Variants in TSC22D3 observed in about 807,000 individuals in gnomAD.
TSC22D3 encodes the protein TSC22 domain family protein 3.
A neutral mutation model predicts 11.1 loss-of-function variants in TSC22D3; 4 were observed. That is an observed-to-expected ratio of 0.36 (90% confidence interval 0.18 to 0.83). TSC22D3 has a LOEUF of 0.83. TSC22D3 is among the 40% of genes least tolerant of loss of function. The pLI is 0.48. For missense variants in TSC22D3, 118 were observed against 159.4 expected, an observed-to-expected ratio of 0.74 and a Z score of 1.40; for synonymous variants, 77 against 70.3, an observed-to-expected ratio of 1.10 and a Z score of -0.48.
chrX:107,754,376 G>GA (rs1929078378), intron 1 of TSC22D3, among the ~76,000 whole-genome samples: 1 of 111,517 alleles, frequency 9.0e-6, no homozygotes, highest in African/African-American at 3.3e-5. Flanking sequence ...ATTTATTTTT[G>GA]AAAAAACTTT....
At chrX:107,719,070 A>G (rs149625293) in intron 1 of TSC22D3, among the ~76,000 whole-genome samples, 1,867 of 111,854 alleles carry the variant, frequency 0.017, 36 homozygotes, top group African/African-American at 0.057. Flanking sequence ...ATTTTTCCTC[A>G]ACTATTGCTT....
intron 1 of TSC22D3, among the ~76,000 whole-genome samples, chrX:107,725,483 C>T (rs1270237755): frequency 8.9e-6 from 1 of 111,775 alleles, no homozygotes; most frequent in Non-Finnish European, 1.9e-5. Context: ...AACTGCTGGC[C>T]TAAAGGTAAG....
At chrX:107,756,226 AT>A (rs1210734421) in intron 1 of TSC22D3, among the ~76,000 whole-genome samples, 1 of 111,757 alleles carries the variant, frequency 8.9e-6, no homozygotes, top group Non-Finnish European at 1.9e-5. Flanking sequence ...CACTATCAAG[AT>A]TTTTTGCCAT....
intron 1 of TSC22D3, among the ~76,000 whole-genome samples, chrX:107,719,533 G>A (rs1927225094): frequency 8.9e-6 from 1 of 112,125 alleles, no homozygotes; most frequent in African/African-American, 3.2e-5. Flanking sequence ...AGAAACCAAG[G>A]GTCTGAGAGG....
intron 1 of TSC22D3, among the ~76,000 whole-genome samples, chrX:107,744,782 T>G (rs1928578953): frequency 8.9e-6 from 1 of 111,944 alleles, no homozygotes; most frequent in African/African-American, 3.3e-5. Flanking sequence ...CCTGTGGATG[T>G]ATTCCTTTAT....
chrX:107,758,373 A>T (rs1929272744), intron 1 of TSC22D3, among the ~76,000 whole-genome samples: 1 of 111,787 alleles, frequency 8.9e-6, no homozygotes, highest in Non-Finnish European at 1.9e-5. Context: ...ATGGCTTAAG[A>T]GACTCTCACC....
chrX:107,731,799 G>A (rs1229739690), intron 1 of TSC22D3, among the ~76,000 whole-genome samples: 1 of 102,453 alleles, frequency 9.8e-6, no homozygotes, highest in Non-Finnish European at 2.0e-5. Context: ...CTGGGGATAA[G>A]CAGATCTGAG....
intron 1 of TSC22D3, among the ~76,000 whole-genome samples, chrX:107,750,179 CG>C (rs1242009186): frequency 9.0e-6 from 1 of 110,663 alleles, no homozygotes; most frequent in African/African-American, 3.3e-5. Context: ...GATTCAGAAA[CG>C]GGTTAAACAA....
chrX:107,732,263 A>C, intron 1 of TSC22D3, among the ~76,000 whole-genome samples: 1 of 102,990 alleles, frequency 9.7e-6, no homozygotes, highest in African/African-American at 3.6e-5. Context: ...AACTCCCTCC[A>C]AGGACTCAGC....
intron 1 of TSC22D3, chrX:107,721,798 C>A: frequency 2.2e-6 from 1 of 449,885 alleles, no homozygotes. Flanking sequence ...CATCCCTCCC[C>A]ACTTACTCCT....
intron 1 of TSC22D3, among the ~76,000 whole-genome samples, chrX:107,767,184 G>T (rs1929709055): frequency 8.9e-6 from 1 of 112,200 alleles, no homozygotes; most frequent in Non-Finnish European, 1.9e-5. Flanking sequence ...ATTAGAAGAA[G>T]TGGGTTGAAT....
chrX:107,720,995 C>T (rs764515690), intron 1 of TSC22D3, among the ~76,000 whole-genome samples: 6 of 111,878 alleles, frequency 5.4e-5, no homozygotes, highest in African/African-American at 1.9e-4. Context: ...GGCCCAGCTA[C>T]CCCAACATTC....
At chrX:107,762,210 C>A (rs1209533852) in intron 1 of TSC22D3, among the ~76,000 whole-genome samples, 5 of 111,587 alleles carry the variant, frequency 4.5e-5, no homozygotes, top group Admixed American at 9.5e-5. Context: ...GGGTGGGCGG[C>A]CTTACTCCAA....
intron 1 of TSC22D3, among the ~76,000 whole-genome samples, chrX:107,754,680 T>C (rs930816558): frequency 8.9e-6 from 1 of 112,167 alleles, no homozygotes; most frequent in Admixed American, 9.5e-5. Flanking sequence ...GTAGGAACTA[T>C]GAAGTCGTCT....
At chrX:107,723,296 G>T (rs1189485087) in intron 1 of TSC22D3, among the ~76,000 whole-genome samples, 1 of 112,125 alleles carries the variant, frequency 8.9e-6, no homozygotes, top group Non-Finnish European at 1.9e-5. Flanking sequence ...TTAACTGCAG[G>T]GCTTTGTAAA....
At chrX:107,741,884 A>G (rs1928414322) in intron 1 of TSC22D3, among the ~76,000 whole-genome samples, 1 of 110,904 alleles carries the variant, frequency 9.0e-6, no homozygotes, top group African/African-American at 3.3e-5. Context: ...AGAGACTGAG[A>G]GGCACACACA....
intron 1 of TSC22D3, among the ~76,000 whole-genome samples, chrX:107,729,706 G>T (rs896426177): frequency 8.9e-6 from 1 of 112,605 alleles, no homozygotes; most frequent in Non-Finnish European, 1.9e-5. Context: ...CACCCCCGGG[G>T]CCCTGTTGTG....
At chrX:107,755,011 G>T (rs1254976043) in intron 1 of TSC22D3, among the ~76,000 whole-genome samples, 1 of 111,924 alleles carries the variant, frequency 8.9e-6, no homozygotes, top group Non-Finnish European at 1.9e-5. Flanking sequence ...TTGGGTGACT[G>T]GCTAAGGGCA....
chrX:107,756,314 C>T (rs771202726), intron 1 of TSC22D3, among the ~76,000 whole-genome samples: 5 of 112,336 alleles, frequency 4.5e-5, no homozygotes, highest in Non-Finnish European at 9.4e-5. Flanking sequence ...AATGCCTCAT[C>T]CTTAGAAATA....
Sources: allele counts gnomAD v4.1 joint callset (sites outside exome capture counted in the v4.1 genomes callset), GRCh38; gene constraint gnomAD v4.1.1; transcripts MANE v1.5; gene names NCBI Gene and HGNC (gene_info 2026-07-23, HGNC 2026-07-21).